POU6F2: variants seen among roughly 807,000 people sequenced by gnomAD.
The protein encoded by POU6F2 is POU class 6 homeobox 2, also known as POU domain, class 6, transcription factor 2.
A neutral mutation model predicts 71.3 loss-of-function variants in POU6F2; 31 were observed. That is an observed-to-expected ratio of 0.43 (90% CI 0.33 to 0.59). The LOEUF is 0.59. POU6F2 is among the 20% of genes least tolerant of loss of function. The pLI is 0.04. For missense variants in POU6F2, 783 were observed against 856.8 expected, an observed-to-expected ratio of 0.91 and a Z score of 1.07; for synonymous variants, 347 against 355.7, an observed-to-expected ratio of 0.98 and a Z score of 0.27.
At chr7:39,444,047 C>T (rs1423496910) in intron 7 of POU6F2, among the ~76,000 whole-genome samples, 1 of 152,170 alleles carries the variant, frequency 6.6e-6, no homozygotes, top group African/African-American at 2.4e-5. Context: ...AAAGTAATGA[C>T]ATCTTTAATG....
intron 1 of POU6F2, among the ~76,000 whole-genome samples, chr7:39,028,215 CT>C (rs1256398446): frequency 7.9e-5 from 12 of 152,088 alleles, no homozygotes; most frequent in Admixed American, 5.2e-4. Context: ...GAACACCAGT[CT>C]TTTGTCAGTT....
chr7:39,400,469 A>T (rs1787273872), intron 5 of POU6F2, among the ~76,000 whole-genome samples: 1 of 152,044 alleles, frequency 6.6e-6, no homozygotes, highest in South Asian at 2.1e-4. Flanking sequence ...GATCCATTTG[A>T]CCCCAAGAGC....
At chr7:39,215,145 G>A (rs1392063798) in intron 4 of POU6F2, among the ~76,000 whole-genome samples, 1 of 152,140 alleles carries the variant, frequency 6.6e-6, no homozygotes, top group Non-Finnish European at 1.5e-5. Context: ...ACAAGTTCAA[G>A]ACCAGCCTGG....
At chr7:39,317,583 TG>T (rs1785295582) in intron 4 of POU6F2, among the ~76,000 whole-genome samples, 1 of 152,222 alleles carries the variant, frequency 6.6e-6, no homozygotes, top group African/African-American at 2.4e-5. Context: ...TTAGACAAAA[TG>T]GTTATTTAAA....
At chr7:39,274,885 T>C (rs1026459453) in intron 4 of POU6F2, among the ~76,000 whole-genome samples, 38 of 151,810 alleles carry the variant, frequency 2.5e-4, no homozygotes, top group Non-Finnish European at 4.1e-4. Context: ...AAATTAGGTA[T>C]TGATGGGACG....
intron 2 of POU6F2, among the ~76,000 whole-genome samples, chr7:39,097,252 G>A (rs1228634303): frequency 2.6e-5 from 4 of 151,998 alleles, no homozygotes; most frequent in African/African-American, 4.8e-5. Flanking sequence ...TTTGCTCTCT[G>A]ACAGTCACAA....
At chr7:38,994,389 G>A (rs1461306753) in intron 1 of POU6F2, among the ~76,000 whole-genome samples, 1 of 152,168 alleles carries the variant, frequency 6.6e-6, no homozygotes, top group Non-Finnish European at 1.5e-5. Flanking sequence ...GGTCCCAGAG[G>A]AGGAAGGGAA....
intron 2 of POU6F2, among the ~76,000 whole-genome samples, chr7:39,190,417 T>A (rs1255402868): frequency 8.3e-5 from 5 of 59,904 alleles, no homozygotes; most frequent in Admixed American, 5.5e-4. Flanking sequence ...CTCCTTTTCT[T>A]AAAAAAAAAA....
At chr7:39,219,115 G>T (rs1794300056) in intron 4 of POU6F2, among the ~76,000 whole-genome samples, 1 of 152,144 alleles carries the variant, frequency 6.6e-6, no homozygotes, top group Non-Finnish European at 1.5e-5. Flanking sequence ...TCTTGCGTTT[G>T]AATTCTCTTT....
chr7:39,091,604 A>T (rs1271157357), intron 2 of POU6F2, among the ~76,000 whole-genome samples: 2 of 152,114 alleles, frequency 1.3e-5, no homozygotes, highest in East Asian at 3.9e-4. Context: ...GATGTTTCTG[A>T]CTTAAAGGTT....
At chr7:39,017,841 T>TGG (rs1409308092) in intron 1 of POU6F2, among the ~76,000 whole-genome samples, 1 of 151,534 alleles carries the variant, frequency 6.6e-6, no homozygotes, top group Non-Finnish European at 1.5e-5. Context: ...TGTGTGTGTG[T>TGG]GATTTGAGTG....
At chr7:39,164,157 GC>G (rs1562729661) in intron 2 of POU6F2, among the ~76,000 whole-genome samples, 7 of 151,600 alleles carry the variant, frequency 4.6e-5, no homozygotes, top group African/African-American at 1.7e-4. Flanking sequence ...TAGCCATTCC[GC>G]AATGTATACA....
rs369179055 is a variant in POU6F2, at chr7:39,460,685, G to A, written c.1628G>A (p.Gly543Asp). 3.1e-6 allele frequency: 5 copies of A among 1,607,270 alleles called. No homozygotes were observed. Among genetic ancestry groups the A allele is most frequent in the African/African-American group, 1.3e-5 (1 of 74,794 alleles). The change falls in exon 9 of 10, where the codon GGC becomes GAC. Residue 543 changes from glycine (G) to aspartate (D), a missense_variant. Around this residue, in one of 2 missense-constraint regions of POU6F2, gnomAD observed 211 missense variants for 283.9 expected, o/e 0.74. Coordinates refer to ENST00000518318, the MANE Select transcript of POU6F2 (RefSeq NM_001370959.1). This position sits in a 1 kb window ranked among gnomAD's most constrained non-coding sequence, Gnocchi z 4.4. ...GGACAGGCTCTCAGTGCTACAGAGGGCCCCGCGTACAGCCAGTCGGCCATC... is the reference window on the plus strand; with the variant it reads ...GGACAGGCTCTCAGTGCTACAGAGGACCCCGCGTACAGCCAGTCGGCCATC... ...QVGQALSATE[G>D]PAYSQSAICR...
chr7:39,419,503 G>A (rs1187352203), intron 6 of POU6F2, among the ~76,000 whole-genome samples: 1 of 152,042 alleles, frequency 6.6e-6, no homozygotes, highest in East Asian at 1.9e-4. Flanking sequence ...GCCTCTCAAA[G>A]TGCTGGGGTT....
intron 2 of POU6F2, among the ~76,000 whole-genome samples, chr7:39,094,701 T>C (rs1286474554): frequency 6.6e-6 from 1 of 152,114 alleles, no homozygotes; most frequent in Non-Finnish European, 1.5e-5. Flanking sequence ...GAATCATCAC[T>C]CTCAAAGCAG....
At chr7:39,458,326 G>C (rs1190644582) in intron 8 of POU6F2, among the ~76,000 whole-genome samples, 1 of 152,128 alleles carries the variant, frequency 6.6e-6, no homozygotes, top group Non-Finnish European at 1.5e-5. Flanking sequence ...CTAACATTCA[G>C]AAGAGTTTGG....
At chr7:39,294,334 C>T (rs1480819266) in intron 4 of POU6F2, among the ~76,000 whole-genome samples, 5 of 140,440 alleles carry the variant, frequency 3.6e-5, no homozygotes, top group African/African-American at 1.3e-4. Context: ...AAAGTAATTG[C>T]GGTTTTTGCC....
At chr7:39,176,816 A>ATTAAGCATGAGAAATAAATCACAGTAGCC (rs1793340271) in intron 2 of POU6F2, among the ~76,000 whole-genome samples, 1 of 152,252 alleles carries the variant, frequency 6.6e-6, no homozygotes, top group African/African-American at 2.4e-5. Context: ...AGTCCATAAC[A>ATTAAGCATGAGAAATAAATCACAGTAGCC]TTAAGCATGA....
At chr7:39,397,136 C>T (rs748912029) in intron 5 of POU6F2, among the ~76,000 whole-genome samples, 32 of 151,954 alleles carry the variant, frequency 2.1e-4, no homozygotes, top group African/African-American at 6.8e-4. Flanking sequence ...AAAGACTGCT[C>T]GGTGCCAATT....
Sources: gnomAD v4.1 joint callset for allele counts (sites outside exome capture counted in the v4.1 genomes callset) on GRCh38, gnomAD v4.1.1 for gene constraint, gnomAD v4.1.1 regional missense constraint, Gnocchi (gnomAD v3.1) non-coding constraint, MANE v1.5 for transcripts, NCBI Gene and HGNC (gene_info 2026-07-23, HGNC 2026-07-21) for gene names.